The following ZMYM4 variants were observed in gnomAD, a reference collection of about 807,000 sequenced individuals.
The protein encoded by ZMYM4 is zinc finger MYM-type protein 4.
Under a neutral mutation model 183.2 loss-of-function variants are expected in ZMYM4, and 31 were observed. The observed-to-expected ratio is 0.17, with a 90% confidence interval of 0.13 to 0.23. ZMYM4 has a LOEUF of 0.23. Ranked by LOEUF, ZMYM4 falls within the 10% of genes least tolerant of loss-of-function variation. ZMYM4 has a pLI of 1.00. For synonymous variants in ZMYM4, 592 were observed against 631.2 expected, an observed-to-expected ratio of 0.94 and a Z score of 0.93; for missense variants, 1,273 against 1,840.3, an observed-to-expected ratio of 0.69 and a Z score of 5.64.
chr1:35,379,112 T>C (rs1644396375), intron 7 of ZMYM4, among the ~76,000 whole-genome samples: 1 of 152,164 alleles, frequency 6.6e-6, no homozygotes, highest in African/African-American at 2.4e-5. Flanking sequence ...TCTGTTGTTG[T>C]TGTTTTGAGA....
At chr1:35,394,887 G>A (rs1338091101) in intron 18 of ZMYM4, among the ~76,000 whole-genome samples, 1 of 152,156 alleles carries the variant, frequency 6.6e-6, no homozygotes, top group Admixed American at 6.5e-5. Context: ...GCTGAGGCAG[G>A]AGGATCACTT....
intron 1 of ZMYM4, among the ~76,000 whole-genome samples, chr1:35,313,631 C>G (rs1641907519): frequency 6.6e-6 from 1 of 151,150 alleles, no homozygotes; most frequent in Non-Finnish European, 1.5e-5. Flanking sequence ...TCAGGTGATC[C>G]ACCCAGGTTG....
At chr1:35,313,865 G>A (rs1385317473) in intron 1 of ZMYM4, among the ~76,000 whole-genome samples, 1 of 152,160 alleles carries the variant, frequency 6.6e-6, no homozygotes, top group Non-Finnish European at 1.5e-5. Context: ...ATGTGAGCCT[G>A]AAAGGGCCGG....
At chr1:35,308,072 A>G (rs1222846008) in intron 1 of ZMYM4, among the ~76,000 whole-genome samples, 1 of 151,816 alleles carries the variant, frequency 6.6e-6, no homozygotes, top group Admixed American at 6.6e-5. Flanking sequence ...GCTCACTGCA[A>G]CCTCCACCTC....
Position 35,361,776 on chromosome 1 carries a change from C to G in ZMYM4, c.827C>G (p.Pro276Arg). The change falls in exon 5 of 30, where the codon CCT (proline) becomes CGT (arginine). Residue 276 changes from proline (P) to arginine (R), a missense_variant. Physicochemically the swap from Pro to Arg is moderately radical, Grantham distance 103. Transcript: ENST00000314607. ...QGLLDKIKDE[P>R]DNAQEYSHGQ... is the part of the protein sequence containing the mutation. Reference sequence around the variant, plus strand: ...CTACTAGACAAAATAAAAGATGAACCTGACAATGCTCAAGTAAACATTTCA... The same window carrying G: ...CTACTAGACAAAATAAAAGATGAACGTGACAATGCTCAAGTAAACATTTCA... The G allele has an allele frequency of 6.2e-7, 1 of 1,604,840 alleles. No homozygotes were observed. The highest frequency in any genetic ancestry group is 8.5e-7 in the Non-Finnish European group (1 of 1,177,430).
intron 7 of ZMYM4, among the ~76,000 whole-genome samples, chr1:35,378,073 G>T (rs1380614101): frequency 1.3e-5 from 2 of 152,124 alleles, no homozygotes; most frequent in Non-Finnish European, 2.9e-5. Flanking sequence ...TACTTTCCTT[G>T]CTCATCCATT....
intron 1 of ZMYM4, among the ~76,000 whole-genome samples, chr1:35,290,646 T>C (rs183703923): frequency 2.0e-5 from 3 of 151,984 alleles, no homozygotes; most frequent in Admixed American, 2.0e-4. Flanking sequence ...CCCAGGCTGG[T>C]CTTGAACTCC....
chr1:35,317,952 T>C (rs1159253362), intron 1 of ZMYM4, among the ~76,000 whole-genome samples: 1 of 151,824 alleles, frequency 6.6e-6, no homozygotes, highest in Non-Finnish European at 1.5e-5. Context: ...GTAATACTGG[T>C]ACAAATTTCA....
intron 1 of ZMYM4, among the ~76,000 whole-genome samples, chr1:35,271,095 G>A (rs1003776623): frequency 1.3e-5 from 2 of 152,058 alleles, no homozygotes; most frequent in African/African-American, 4.8e-5. Context: ...ACTGTGCTTG[G>A]ATGAAGGCAT....
At chr1:35,316,989 G>C (rs1312562373) in intron 1 of ZMYM4, among the ~76,000 whole-genome samples, 2 of 151,770 alleles carry the variant, frequency 1.3e-5, no homozygotes, top group Non-Finnish European at 2.9e-5. Flanking sequence ...GGGCATGGTG[G>C]CAGGCGTCTC....
intron 2 of ZMYM4, among the ~76,000 whole-genome samples, chr1:35,328,036 T>C (rs1570362066): frequency 6.6e-6 from 1 of 152,188 alleles, no homozygotes; most frequent in Non-Finnish European, 1.5e-5. Flanking sequence ...AGTGTGTATA[T>C]TGGTATTAGA....
At chr1:35,392,072 C>T in intron 15 of ZMYM4, 140 bp from the exon 16 acceptor site, 2 of 1,075,258 alleles carry the variant, frequency 1.9e-6, no homozygotes, top group Non-Finnish European at 2.6e-6. Flanking sequence ...AAAACCAAAA[C>T]CCAGTTAATC....
At chr1:35,351,839 A>T (rs752341188) in intron 2 of ZMYM4, among the ~76,000 whole-genome samples, 1 of 152,234 alleles carries the variant, frequency 6.6e-6, no homozygotes, top group African/African-American at 2.4e-5. Context: ...TGCTAAAGCA[A>T]TGACTAAGAG....
At chr1:35,313,302 T>G (rs1397357006) in intron 1 of ZMYM4, among the ~76,000 whole-genome samples, 1 of 152,188 alleles carries the variant, frequency 6.6e-6, no homozygotes, top group African/African-American at 2.4e-5. Context: ...CCCAAAGTGT[T>G]GGGATTACAG....
chr1:35,269,268 A>C (rs1370624059), intron 1 of ZMYM4, among the ~76,000 whole-genome samples, 183 bp downstream of exon 1: 1 of 82,054 alleles, frequency 1.2e-5, no homozygotes. Flanking sequence ...GGTGGGACAA[A>C]GATTTGGTGC....
intron 1 of ZMYM4, among the ~76,000 whole-genome samples, chr1:35,281,678 A>G (rs989473993): frequency 4.0e-5 from 6 of 150,708 alleles, no homozygotes; most frequent in Non-Finnish European, 8.8e-5. Flanking sequence ...ATATATATAT[A>G]TAATATAACA....
At chr1:35,294,163 T>C (rs1399405490) in intron 1 of ZMYM4, among the ~76,000 whole-genome samples, 1 of 151,986 alleles carries the variant, frequency 6.6e-6, no homozygotes, top group Non-Finnish European at 1.5e-5. Context: ...TCAAAATGTT[T>C]GTTCCAATTA....
chr1:35,328,294 T>A (rs942291255), intron 2 of ZMYM4, among the ~76,000 whole-genome samples: 1 of 152,024 alleles, frequency 6.6e-6, no homozygotes, highest in Non-Finnish European at 1.5e-5. Flanking sequence ...ATTTTAGTTT[T>A]TATTTTAGAG....
At chr1:35,298,196 C>T (rs1393891640) in intron 1 of ZMYM4, among the ~76,000 whole-genome samples, 3 of 152,152 alleles carry the variant, frequency 2.0e-5, no homozygotes, top group African/African-American at 7.2e-5. Context: ...AAAATGCCCC[C>T]CTGGGGTGCC....
Sources: gnomAD v4.1 joint callset for allele counts (sites outside exome capture counted in the v4.1 genomes callset) on GRCh38, gnomAD v4.1.1 for gene constraint, MANE v1.5 for transcripts, NCBI Gene and HGNC (gene_info 2026-07-23, HGNC 2026-07-21) for gene names.